Variants in CNTN5 observed in about 807,000 individuals in gnomAD.
The protein encoded by CNTN5 is contactin 5.
In CNTN5, 77 loss-of-function variants were observed where a neutral mutation model predicts 129.1. That is an observed-to-expected ratio of 0.60 (90% CI 0.50 to 0.72). The LOEUF (loss-of-function observed/expected upper bound fraction) is 0.72. Ranked by LOEUF, CNTN5 falls within the 30% of genes least tolerant of loss-of-function variation. The pLI, the probability that CNTN5 is intolerant of heterozygous loss-of-function variation, is 0.00. For missense variants in CNTN5, 1,478 were observed against 1,328.8 expected, an observed-to-expected ratio of 1.11 and a Z score of -1.75; for synonymous variants, 509 against 465.6, an observed-to-expected ratio of 1.09 and a Z score of -1.20.
intron 8 of CNTN5, 115 bp downstream of exon 8, chr11:99,957,124 T>A: frequency 2.2e-6 from 2 of 920,610 alleles, no homozygotes; most frequent in Non-Finnish European, 3.2e-6. Context: ...AAAAAGGCAT[T>A]TGCCATATTT....
At chr11:99,720,193 A>C (rs1160566050) in intron 3 of CNTN5, among the ~76,000 whole-genome samples, 1 of 152,104 alleles carries the variant, frequency 6.6e-6, no homozygotes, top group Non-Finnish European at 1.5e-5. Flanking sequence ...TCATCTTGCT[A>C]CCAAAACCTG....
chr11:99,459,780 C>A (rs1466834510), intron 2 of CNTN5, among the ~76,000 whole-genome samples: 1 of 151,818 alleles, frequency 6.6e-6, no homozygotes, highest in Non-Finnish European at 1.5e-5. Flanking sequence ...GGCAATGTGT[C>A]TTATGAGAGA....
At chr11:99,470,474 G>T (rs945791821) in intron 2 of CNTN5, among the ~76,000 whole-genome samples, 2 of 152,046 alleles carry the variant, frequency 1.3e-5, no homozygotes, top group Admixed American at 1.3e-4. Flanking sequence ...TGAAGTGAGA[G>T]AATAAAAATG....
chr11:99,025,795 ATTTACT>A (rs985589043), intron 1 of CNTN5, among the ~76,000 whole-genome samples: 17 of 151,720 alleles, frequency 1.1e-4, no homozygotes, highest in African/African-American at 3.9e-4. Flanking sequence ...TTTGTGAGAA[ATTTACT>A]TTTAAGTATA....
chr11:99,733,841 G>A (rs1212373516), intron 3 of CNTN5, among the ~76,000 whole-genome samples: 3 of 152,150 alleles, frequency 2.0e-5, no homozygotes, highest in South Asian at 4.1e-4. Context: ...AAAAAGGAGC[G>A]AGTAGCTCCA....
At chr11:100,226,902 G>T (rs942353806) in intron 16 of CNTN5, among the ~76,000 whole-genome samples, 1 of 151,990 alleles carries the variant, frequency 6.6e-6, no homozygotes, top group Non-Finnish European at 1.5e-5. Flanking sequence ...TCCTCCATTT[G>T]TTGGTCTGTA....
At chr11:99,501,901 C>T (rs1946440085) in intron 2 of CNTN5, among the ~76,000 whole-genome samples, 1 of 152,154 alleles carries the variant, frequency 6.6e-6, no homozygotes, top group South Asian at 2.1e-4. Context: ...TTTAGTGATT[C>T]TGTTATCTTC....
chr11:99,995,660 T>C (rs1252755710), intron 8 of CNTN5, among the ~76,000 whole-genome samples: 1 of 152,180 alleles, frequency 6.6e-6, no homozygotes, highest in Admixed American at 6.5e-5. Context: ...GCATCCATGC[T>C]CATATGGCCA....
intron 1 of CNTN5, among the ~76,000 whole-genome samples, chr11:99,036,707 C>G (rs1382919403): frequency 6.6e-6 from 1 of 152,154 alleles, no homozygotes; most frequent in Non-Finnish European, 1.5e-5. Flanking sequence ...CAGTGTCTGT[C>G]TCGTCCCACT....
chr11:100,045,925 A>C (rs1942644276), intron 9 of CNTN5, among the ~76,000 whole-genome samples: 1 of 152,170 alleles, frequency 6.6e-6, no homozygotes, highest in Non-Finnish European at 1.5e-5. Context: ...AAAGACATCA[A>C]ACACTTTTTT....
chr11:100,089,623 T>A (rs547507299), intron 13 of CNTN5, among the ~76,000 whole-genome samples: 1 of 152,132 alleles, frequency 6.6e-6, no homozygotes, highest in Non-Finnish European at 1.5e-5. Flanking sequence ...CTATTCACAA[T>A]AGCAAATACA....
intron 6 of CNTN5, among the ~76,000 whole-genome samples, chr11:99,870,630 G>A (rs777983179): frequency 6.6e-6 from 1 of 152,056 alleles, no homozygotes; most frequent in Admixed American, 6.6e-5. Context: ...ATAGACCTCT[G>A]GGTCAGAAAA....
rs180917060 is a variant in CNTN5, at chr11:100,285,726, G to T, written c.2315-11899G>T. On this transcript the variant is annotated intron_variant, in intron 18 of 24. Coordinates refer to ENST00000524871, the MANE Select transcript of CNTN5 (RefSeq NM_014361.4). ...AATGGAAAATTATACACATATTTCT[G>T]GCCACAAAAGGAAAAATACTGAGGA... 5.3e-5 allele frequency among the ~76,000 whole-genome samples: 8 copies of T among 152,206 alleles called. No homozygotes were observed. The East Asian group carries it at 1.5e-3, about 29-fold the overall frequency.
At chr11:99,657,195 C>A (rs1952407157) in intron 3 of CNTN5, among the ~76,000 whole-genome samples, 1 of 152,020 alleles carries the variant, frequency 6.6e-6, no homozygotes, top group East Asian at 1.9e-4. Flanking sequence ...CATTCCTAAC[C>A]ATCTACTTAG....
chr11:99,994,564 A>G (rs1939326482), intron 8 of CNTN5, among the ~76,000 whole-genome samples: 1 of 152,308 alleles, frequency 6.6e-6, no homozygotes, highest in Admixed American at 6.5e-5. Context: ...CAGCACTCAC[A>G]GGGACTCATG....
chr11:100,141,249 G>C (rs1946690243), intron 13 of CNTN5, among the ~76,000 whole-genome samples: 1 of 152,072 alleles, frequency 6.6e-6, no homozygotes, highest in Non-Finnish European at 1.5e-5. Flanking sequence ...GAGTCTTGCA[G>C]TTATTGTGAT....
chr11:99,420,149 C>T (rs754976953), intron 2 of CNTN5, among the ~76,000 whole-genome samples: 6 of 152,056 alleles, frequency 3.9e-5, no homozygotes, highest in Admixed American at 6.6e-5. Flanking sequence ...GCTGCAGAAC[C>T]GTGACTCCAT....
chr11:99,197,494 C>G (rs1240896793), intron 1 of CNTN5, among the ~76,000 whole-genome samples: 2 of 151,962 alleles, frequency 1.3e-5, no homozygotes, highest in Non-Finnish European at 2.9e-5. Context: ...TTTTATGTAT[C>G]TACTCAATAA....
chr11:99,743,083 A>G (rs994998357), intron 3 of CNTN5, among the ~76,000 whole-genome samples: 3 of 152,188 alleles, frequency 2.0e-5, no homozygotes, highest in African/African-American at 7.2e-5. Context: ...AGGGATAAGA[A>G]AAATTCATTG....
Sources: allele counts gnomAD v4.1 joint callset (sites outside exome capture counted in the v4.1 genomes callset), GRCh38; gene constraint gnomAD v4.1.1; transcripts MANE v1.5; gene names NCBI Gene and HGNC (gene_info 2026-07-23, HGNC 2026-07-21).